The following VMP1 variants were observed in gnomAD, a reference collection of about 807,000 sequenced individuals.
VMP1 encodes the protein vacuole membrane protein 1.
Under a neutral mutation model 56.0 loss-of-function variants are expected in VMP1, and 11 were observed. The ratio of observed to expected loss-of-function variants is 0.20; its 90% confidence interval spans 0.12 to 0.32. The LOEUF is 0.32. Among genes scored for constraint, VMP1 ranks in the 10% least tolerant of loss-of-function variants. VMP1 has a pLI of 1.00. For missense variants in VMP1, 296 were observed against 490.3 expected (o/e 0.60, Z 3.74); for synonymous variants, 149 against 165.0 (o/e 0.90, Z 0.74).
chr17:59,835,493 G>GTT (rs1175072049), intron 10 of VMP1, among the ~76,000 whole-genome samples: 21 of 134,818 alleles, frequency 1.6e-4, no homozygotes, highest in East Asian at 4.4e-4. Context: ...GCAGTTTTTT[G>GTT]TTTTTTTTTT....
intron 5 of VMP1, among the ~76,000 whole-genome samples, chr17:59,752,115 A>T (rs1258937688): frequency 6.6e-6 from 1 of 152,186 alleles, no homozygotes; most frequent in Non-Finnish European, 1.5e-5. Context: ...ATCCGGCCTC[A>T]CTTTTTCTGT....
intron 1 of VMP1, among the ~76,000 whole-genome samples, chr17:59,721,508 A>G (rs2034394482): frequency 6.6e-6 from 1 of 152,200 alleles, no homozygotes; most frequent in South Asian, 2.1e-4. Context: ...AGTAAGATTA[A>G]CAGGGTATGT....
At chr17:59,747,853 C>G (rs1253536262) in intron 5 of VMP1, among the ~76,000 whole-genome samples, 3 of 151,782 alleles carry the variant, frequency 2.0e-5, no homozygotes, top group African/African-American at 7.3e-5. Flanking sequence ...TATGATTGTC[C>G]CACTGCACTC....
At chr17:59,712,822 G>A (rs1290044240) in intron 1 of VMP1, among the ~76,000 whole-genome samples, 1 of 152,132 alleles carries the variant, frequency 6.6e-6, no homozygotes, top group Non-Finnish European at 1.5e-5. Context: ...GGAGTAATAG[G>A]ATTTATAAGA....
At chr17:59,804,050 G>A (rs543276221) in intron 7 of VMP1, among the ~76,000 whole-genome samples, 2 of 151,368 alleles carry the variant, frequency 1.3e-5, no homozygotes, top group Non-Finnish European at 2.9e-5. Flanking sequence ...CATTATAAAG[G>A]CAAATGAGAA....
intron 5 of VMP1, among the ~76,000 whole-genome samples, chr17:59,751,823 G>T (rs1166823985): frequency 6.7e-6 from 1 of 148,394 alleles, no homozygotes; most frequent in Non-Finnish European, 1.5e-5. Context: ...TTTTATCTTC[G>T]TTTCTTTTTT....
intron 5 of VMP1, among the ~76,000 whole-genome samples, chr17:59,754,212 A>G (rs2035756545): frequency 6.6e-6 from 1 of 152,188 alleles, no homozygotes; most frequent in African/African-American, 2.4e-5. Context: ...ATACATTTAA[A>G]AAATCTGACA....
At chr17:59,831,139 G>T (rs776250908) in intron 10 of VMP1, among the ~76,000 whole-genome samples, 10 of 152,096 alleles carry the variant, frequency 6.6e-5, no homozygotes, top group Non-Finnish European at 1.3e-4. Context: ...CCAGATTTCA[G>T]ATCTTACTTA....
At chr17:59,818,748 A>T (rs1008385586) in intron 10 of VMP1, among the ~76,000 whole-genome samples, 2 of 152,208 alleles carry the variant, frequency 1.3e-5, no homozygotes, top group Non-Finnish European at 2.9e-5. Context: ...CAAAAAAAAA[A>T]ATTAATTAAA....
intron 7 of VMP1, among the ~76,000 whole-genome samples, chr17:59,784,621 C>G (rs142986949): frequency 1.5e-3 from 236 of 152,314 alleles, no homozygotes; most frequent in African/African-American, 5.5e-3. Context: ...GTTACACATA[C>G]TACTCATGCA....
chr17:59,799,125 G>A (rs2037549441), intron 7 of VMP1, among the ~76,000 whole-genome samples: 1 of 152,052 alleles, frequency 6.6e-6, no homozygotes, highest in South Asian at 2.1e-4. Context: ...ATCCTTCTTT[G>A]CTTCTGGTAG....
At chr17:59,811,522 C>A in intron 8 of VMP1, 148 bp from the exon 9 acceptor site, 1 of 635,106 alleles carries the variant, frequency 1.6e-6, no homozygotes, top group East Asian at 2.7e-5. Flanking sequence ...GCCTAACCTC[C>A]TTTTGAACAA....
At chr17:59,794,365 G>A (rs1031602459) in intron 7 of VMP1, among the ~76,000 whole-genome samples, 10 of 146,212 alleles carry the variant, frequency 6.8e-5, no homozygotes, top group South Asian at 2.2e-4. Context: ...GATTACAAGC[G>A]CACGCCACCA....
intron 5 of VMP1, among the ~76,000 whole-genome samples, chr17:59,757,237 G>GGAGA (rs1344208154): frequency 3.1e-5 from 4 of 129,228 alleles, no homozygotes; most frequent in Non-Finnish European, 6.6e-5. Flanking sequence ...AGATTAGGAT[G>GGAGA]GAGATAGATA....
At chr17:59,819,919 A>C (rs1360282283) in intron 10 of VMP1, among the ~76,000 whole-genome samples, 1 of 152,198 alleles carries the variant, frequency 6.6e-6, no homozygotes. Context: ...CCTCACCATG[A>C]GTACCTTCTG....
At chr17:59,810,312 C>T (rs893566309) in intron 8 of VMP1, among the ~76,000 whole-genome samples, 11 of 152,086 alleles carry the variant, frequency 7.2e-5, no homozygotes, top group African/African-American at 1.2e-4. Context: ...CACCACTACA[C>T]CCAGCTAATT....
At chr17:59,804,152 T>C (rs2073612870) in intron 7 of VMP1, among the ~76,000 whole-genome samples, 1 of 152,036 alleles carries the variant, frequency 6.6e-6, no homozygotes. Flanking sequence ...ACTGAAGTTG[T>C]TTTTAGAAAA....
intron 5 of VMP1, among the ~76,000 whole-genome samples, chr17:59,763,163 T>A (rs932780061): frequency 2.4e-4 from 37 of 152,150 alleles, no homozygotes; most frequent in African/African-American, 3.4e-4. Context: ...CTTTTTTTTT[T>A]AATTATGTCT....
intron 5 of VMP1, 117 bp downstream of exon 5, chr17:59,739,064 C>A: frequency 2.8e-6 from 2 of 720,672 alleles, no homozygotes; most frequent in South Asian, 2.2e-5. Flanking sequence ...GTTTTGTAAG[C>A]ATTCTGATCC....
Sources: allele counts gnomAD v4.1 joint callset (sites outside exome capture counted in the v4.1 genomes callset), GRCh38; gene constraint gnomAD v4.1.1; transcripts MANE v1.5; gene names NCBI Gene and HGNC (gene_info 2026-07-23, HGNC 2026-07-21).